APOC1: variants seen among roughly 807,000 people sequenced by gnomAD.
The protein encoded by APOC1 is apolipoprotein C1.
In APOC1, 4 loss-of-function variants were observed where a neutral mutation model predicts 6.7. The ratio of observed to expected loss-of-function variants is 0.60; its 90% confidence interval spans 0.29 to 1.37. The LOEUF (loss-of-function observed/expected upper bound fraction) is 1.37, where lower values mean the gene tolerates loss of function less well. APOC1 is among the 40% of genes most tolerant of loss of function. The pLI, the probability that APOC1 is intolerant of heterozygous loss-of-function variation, is 0.09. For synonymous variants in APOC1, 33 were observed against 40.6 expected, an observed-to-expected ratio of 0.81 and a Z score of 0.72; for missense variants, 122 against 99.4, an observed-to-expected ratio of 1.23 and a Z score of -0.97.
chr19:44,916,461 A>G (rs774573663), intron 3 of APOC1, 136 bp downstream of exon 3: 16 of 1,168,632 alleles, frequency 1.4e-5, no homozygotes, highest in South Asian at 1.4e-5. Context: ...TCACACAGCT[A>G]GATCTCAAGG....
At chr19:44,914,540 A>T (rs1040343823), upstream of APOC1, 1 of 278,942 alleles carries the variant, frequency 3.6e-6, no homozygotes, top group Admixed American at 4.5e-5. Flanking sequence ...AGTGCCCGGG[A>T]CCCCACCTGA....
At chr19:44,918,066 G>A (rs892887151) in intron 3 of APOC1, among the ~76,000 whole-genome samples, 3 of 151,940 alleles carry the variant, frequency 2.0e-5, no homozygotes, top group Admixed American at 2.0e-4. Context: ...TCAGGAGTTC[G>A]AGACTAGCCT....
chr19:44,919,337 C>A lies in APOC1; in HGVS notation c.*107C>A. 7 of 1,032,190 alleles carry A rather than the reference C, an allele frequency of 6.8e-6. No individual in the cohort carries two copies. Among genetic ancestry groups the A allele is most frequent in the Non-Finnish European group, 1.0e-5 (7 of 671,242 alleles). 63.9% of individuals were successfully genotyped at this position (1,032,190 alleles called of 1,614,324 possible). On this transcript the variant is annotated 3_prime_UTR_variant, in exon 4 of 4. Transcript: ENST00000592535. Reference sequence around the variant, plus strand: ...GCCCCAGGTGCCACCAATAAAAATCCTACAGAAAATTCTCTCCTGAGTGCT... The same window carrying A: ...GCCCCAGGTGCCACCAATAAAAATCATACAGAAAATTCTCTCCTGAGTGCT...
At chr19:44,915,132 T>G (rs1969980975) in intron 2 of APOC1, 183 bp downstream of exon 2, 2 of 633,926 alleles carry the variant, frequency 3.2e-6, no homozygotes, top group East Asian at 5.6e-5. Flanking sequence ...GCGCCAAATC[T>G]GCGCAGGAGA....
intron 1 of APOC1, 53 bp downstream of exon 1, chr19:44,914,786 A>C (rs1300962010): frequency 8.3e-7 from 1 of 1,206,816 alleles, no homozygotes; most frequent in African/African-American, 1.5e-5. Context: ...CAAGAAACTC[A>C]AAAAGGGAGA....
chr19:44,916,323 G>A lies in APOC1; in HGVS notation c.192G>A (p.Met64Ile). ...AACAGAGTGAACTTTCTGCCAAGAT[G>A]CGGTTAGAACCCTTCCCAGGGCACG... ...RIKQSELSAKMREWFSETFQK... is the reference protein window; with the variant it reads ...RIKQSELSAKIREWFSETFQK... The change falls in exon 3 of 4, where the codon ATG becomes ATA. Residue 64 changes from methionine (M) to isoleucine (I), a missense_variant and splice_region_variant. Physicochemically the swap from Met to Ile is conservative, Grantham distance 10. Transcript: ENST00000592535. 2 of 1,613,754 alleles carry A rather than the reference G, an allele frequency of 1.2e-6. No homozygotes were observed. Among genetic ancestry groups the A allele is most frequent in the Non-Finnish European group, 1.7e-6 (2 of 1,179,966 alleles).
chr19:44,919,110 A>G, intron 3 of APOC1, 63 bp from the exon 4 acceptor site: 5 of 1,393,868 alleles, frequency 3.6e-6, no homozygotes, highest in Non-Finnish European at 5.1e-6. Flanking sequence ...GGTAGCAGGC[A>G]GAATTTGGAC....
intron 3 of APOC1, among the ~76,000 whole-genome samples, chr19:44,917,960 C>T (rs908341722): frequency 9.3e-5 from 14 of 150,684 alleles, no homozygotes; most frequent in Admixed American, 1.3e-4. Flanking sequence ...GGCGACAAGG[C>T]GAGACTCCAT....
intron 2 of APOC1, among the ~76,000 whole-genome samples, chr19:44,915,590 G>A (rs1041231925): frequency 5.3e-5 from 8 of 150,818 alleles, no homozygotes; most frequent in African/African-American, 9.7e-5. Flanking sequence ...GAGCCACCGC[G>A]TCCGGCCATT....
intron 3 of APOC1, 119 bp downstream of exon 3, chr19:44,916,444 C>A: frequency 7.6e-7 from 1 of 1,316,124 alleles, no homozygotes; most frequent in Non-Finnish European, 1.0e-6. Flanking sequence ...TGACAACATC[C>A]CTCTGGTCAC....
intron 3 of APOC1, 178 bp from the exon 4 acceptor site, chr19:44,918,995 A>G (rs534941106): frequency 7.4e-6 from 5 of 676,648 alleles, no homozygotes; most frequent in African/African-American, 1.8e-5. Flanking sequence ...GCTTTGGTCC[A>G]TCTGGGAAAC....
At chr19:44,914,483 T>G, upstream of APOC1, 1 of 195,554 alleles carries the variant, frequency 5.1e-6, no homozygotes, top group East Asian at 1.3e-4. Flanking sequence ...GTCAGGAAGA[T>G]TGAGAGGTGA....
chr19:44,916,150 A>AAAAAAAC (rs1555791347), intron 2 of APOC1, 40 bp from the exon 3 acceptor site: 2 of 1,519,406 alleles, frequency 1.3e-6, no homozygotes, highest in African/African-American at 1.4e-5. Flanking sequence ...AAAAAAAAAA[A>AAAAAAAC]AAAAAACAAA....
At chr19:44,915,280 A>G in intron 2 of APOC1, 1 of 289,924 alleles carries the variant, frequency 3.4e-6, no homozygotes. Context: ...CAGCAGCTTG[A>G]GCCCCACCAG....
chr19:44,917,235 C>T (rs1251399300), intron 3 of APOC1, among the ~76,000 whole-genome samples: 5 of 152,136 alleles, frequency 3.3e-5, no homozygotes, highest in Non-Finnish European at 7.3e-5. Context: ...GAGAGTCATT[C>T]GTTCTTTCAA....
chr19:44,915,802 A>C (rs1969993667), intron 2 of APOC1, among the ~76,000 whole-genome samples: 1 of 151,930 alleles, frequency 6.6e-6, no homozygotes, highest in Non-Finnish European at 1.5e-5. Context: ...CTTCGTCTCT[A>C]CTAAAAATAC....
intron 2 of APOC1, 169 bp downstream of exon 2, chr19:44,915,118 G>C: frequency 3.0e-6 from 2 of 677,032 alleles, no homozygotes; most frequent in East Asian, 2.7e-5. Flanking sequence ...GCTCAGTCCC[G>C]CAGGCGCCAA....
Position 44,916,221 on chromosome 19 carries a change from C to T in APOC1, c.90C>T (p.Val30=). The part of the protein sequence containing the change: ...GPAPAQGTPD[V]SSALDKLKEF... ...CCCCAGCCCAGGGGACCCCAGACGTCTCCAGTGCCTTGGATAAGCTGAAGG... is the reference window on the plus strand; with the variant it reads ...CCCCAGCCCAGGGGACCCCAGACGTTTCCAGTGCCTTGGATAAGCTGAAGG... The change falls in exon 3 of 4, where the codon GTC becomes GTT. Residue 30 remains valine, a synonymous_variant. Coordinates refer to ENST00000592535, the MANE Select transcript of APOC1 (RefSeq NM_001645.5). 1 of 1,612,522 alleles carries T rather than the reference C, an allele frequency of 6.2e-7. No individual in the cohort carries two copies.
chr19:44,916,153 A>AAAAAAAC (rs1970001982), intron 2 of APOC1, 37 bp from the exon 3 acceptor site: 4 of 1,525,676 alleles, frequency 2.6e-6, no homozygotes, highest in African/African-American at 2.9e-5. Flanking sequence ...AAAAAAAAAA[A>AAAAAAAC]AAACAAATTT....
Sources: allele counts gnomAD v4.1 joint callset (sites outside exome capture counted in the v4.1 genomes callset), GRCh38; gene constraint gnomAD v4.1.1; transcripts MANE v1.5; gene names NCBI Gene and HGNC (gene_info 2026-07-23, HGNC 2026-07-21).